PRR12: variants seen among roughly 807,000 people sequenced by gnomAD.
PRR12 encodes proline rich 12, also known as proline-rich protein 12.
Under a neutral mutation model 138.0 loss-of-function variants are expected in PRR12, and 12 were observed. That is an observed-to-expected ratio of 0.09 (90% confidence interval 0.06 to 0.14). The LOEUF is 0.14. PRR12 is among the 10% of genes least tolerant of loss of function. PRR12 has a pLI of 1.00. For synonymous variants in PRR12, 1,567 were observed against 1,291.7 expected (o/e 1.21, Z -4.57); for missense variants, 2,692 against 2,861.3 (o/e 0.94, Z 1.35).
chr19:49,614,736 A>G lies in PRR12; in HGVS notation c.4890+87A>G. The stretch of plus-strand genomic sequence containing the variant: ...GTTCCCCTTAGTGTGGCTGTGACTC[A>G]CTCCACAGTGTATCTGGAAGGGGGC... On this transcript the variant is annotated intron_variant, in intron 7 of 13. Coordinates refer to ENST00000418929, the MANE Select transcript of PRR12 (RefSeq NM_020719.3). This position sits in a 1 kb window ranked among gnomAD's most constrained non-coding sequence, Gnocchi z 5.0. The G allele has an allele frequency of 6.8e-7, 1 of 1,479,886 alleles. No homozygotes were observed. The highest frequency in any genetic ancestry group is 9.2e-7 in the Non-Finnish European group (1 of 1,086,330). The allele number at this position is 1,479,886 out of a possible 1,614,324, so 91.7% of individuals were successfully genotyped here.
Position 49,595,131 on chromosome 19 carries a change from T to C in PRR12, c.796T>C (p.Tyr266His), listed in dbSNP as rs2080757036. Reference protein sequence around the residue: ...AAAEQSSPQLYNFSGAAPGPP... With the variant: ...AAAEQSSPQLHNFSGAAPGPP... ...TGCCGAGCAGTCCTCCCCACAGCTCTATAACTTCTCGGGTGCTGCCCCGGG... is the reference window on the plus strand; with the variant it reads ...TGCCGAGCAGTCCTCCCCACAGCTCCATAACTTCTCGGGTGCTGCCCCGGG... Residue 266 changes from tyrosine to histidine, a missense_variant, in exon 4 of 14, where the codon TAT becomes CAT. Transcript: ENST00000418929. 1 of 1,611,734 alleles carries C rather than the reference T, an allele frequency of 6.2e-7. No individual in the cohort carries two copies. The highest frequency in any genetic ancestry group is 1.3e-5 in the African/African-American group (1 of 74,920).
chr19:49,620,273 G>A (rs1442594477), intron 9 of PRR12, 79 bp from the exon 10 acceptor site: 1 of 1,575,280 alleles, frequency 6.3e-7, no homozygotes, highest in African/African-American at 1.3e-5. Context: ...CCGGTCCCCA[G>A]TGTTGAGAAC....
chr19:49,596,706 C>T lies in PRR12; in HGVS notation c.2371C>T (p.Pro791Ser). The change falls in exon 4 of 14, where the codon CCA becomes TCA. Residue 791 changes from proline to serine, a missense_variant. Around this residue, in one of 11 missense-constraint regions of PRR12, gnomAD observed 840 missense variants for 689.8 expected, o/e 1.22. Coordinates refer to ENST00000418929, the MANE Select transcript of PRR12 (RefSeq NM_020719.3). This position sits in a 1 kb window ranked among gnomAD's most constrained non-coding sequence, Gnocchi z 5.6. ...TCTGGAGGCCGGGGGCCCTGACCTC[C>T]CACTGGTGCTGCCTCCGCCTCCCCC... ...LLLEAGGPDL[P>S]LVLPPPPPQL... is the part of the protein sequence containing the mutation. 6.2e-7 allele frequency: 1 copy of T among 1,606,588 alleles called. No homozygotes were observed. Among genetic ancestry groups the T allele is most frequent in the South Asian group, 1.1e-5 (1 of 90,872 alleles).
intron 6 of PRR12, among the ~76,000 whole-genome samples, chr19:49,612,314 G>T (rs966478999): frequency 6.6e-6 from 1 of 152,032 alleles, no homozygotes; most frequent in Non-Finnish European, 1.5e-5. Context: ...TGAGTAGGAG[G>T]CTGTGGGCCA....
chr19:49,597,234 C>G lies in PRR12; in HGVS notation c.2899C>G (p.Pro967Ala), dbSNP rs769200752. ...CGCGGACGACTACGGCAAGGCCGGG[C>G]CACCTGAGGACGAGGGGGACCCCAA... The part of the protein sequence containing the change: ...GAADDYGKAG[P>A]PEDEGDPKAG... Residue 967 changes from proline (P) to alanine (A), a missense_variant, in exon 4 of 14, where the codon CCA becomes GCA. Pro to Ala is a conservative substitution (Grantham distance 27). Coordinates refer to ENST00000418929, the MANE Select transcript of PRR12 (RefSeq NM_020719.3). This position sits in a 1 kb window ranked among gnomAD's most constrained non-coding sequence, Gnocchi z 6.3. 3.2e-6 allele frequency: 5 copies of G among 1,569,462 alleles called. No homozygotes were observed. In the East Asian group the frequency reaches 1.2e-4, roughly 37 times the overall value.
Position 49,597,257 on chromosome 19 carries a change from C to A in PRR12, c.2922C>A (p.Pro974=), listed in dbSNP as rs545350512. ...GGCCACCTGAGGACGAGGGGGACCC[C>A]AAGGCTGGCGCTGGGCCACCCCCCG... is the stretch of plus-strand genomic sequence containing the variant. The part of the protein sequence containing the change: ...KAGPPEDEGD[P]KAGAGPPPGP... Residue 974 remains proline (P), a synonymous_variant, in exon 4 of 14, where the codon CCC becomes CCA. Transcript: ENST00000418929. This position sits in a 1 kb window ranked among gnomAD's most constrained non-coding sequence, Gnocchi z 6.3. 3.2e-6 allele frequency: 5 copies of A among 1,573,310 alleles called. No individual in the cohort carries two copies. In the South Asian group the frequency reaches 4.7e-5, roughly 15 times the overall value.
chr19:49,620,336 C>T lies in PRR12; in HGVS notation c.5498-16C>T. On this transcript the variant is annotated splice_polypyrimidine_tract_variant and intron_variant, in intron 9 of 13. Transcript: ENST00000418929. The stretch of plus-strand genomic sequence containing the variant: ...GGAAATTGGGATAACGAGCCTGCGT[C>T]CTGTCTTTTCTGCAGAGCGGGCAGT... 1.9e-6 allele frequency: 3 copies of T among 1,612,874 alleles called. No individual in the cohort carries two copies. Among genetic ancestry groups the T allele is most frequent in the Non-Finnish European group, 1.7e-6 (2 of 1,179,462 alleles).
intron 6 of PRR12, among the ~76,000 whole-genome samples, chr19:49,610,091 C>T (rs544636435): frequency 6.6e-6 from 1 of 152,210 alleles, no homozygotes; most frequent in Non-Finnish European, 1.5e-5. Context: ...TCTCCTGCCT[C>T]AGCCTCCCGA....
Position 49,591,685 on chromosome 19 carries a change from G to C in PRR12, c.31G>C (p.Gly11Arg). The C allele has an allele frequency of 6.7e-7, 1 of 1,486,526 alleles. No homozygotes were observed. Among genetic ancestry groups the C allele is most frequent in the Non-Finnish European group, 8.9e-7 (1 of 1,118,850 alleles). The allele number at this position is 1,486,526 out of a possible 1,614,324, so 92.1% of individuals were successfully genotyped here. The change falls in exon 1 of 14, where the codon GGG (glycine) becomes CGG (arginine). Residue 11 changes from glycine to arginine, a missense_variant. Physicochemically the swap from Gly to Arg is moderately radical, Grantham distance 125. Transcript: ENST00000418929. ...CAGGAACTACCCCAGCGCCGGCTTC[G>C]GGGACCCGCTCGGCGCCGGGGCGGG... MDRNYPSAGF[G>R]DPLGAGAGWS...
In PRR12 at chr19:49,594,664, TTCTC is replaced by T; in HGVS notation, c.362-29_362-26del. The T allele has an allele frequency of 6.2e-7, 1 of 1,610,586 alleles. No individual in the cohort carries two copies. Among genetic ancestry groups the T allele is most frequent in the Non-Finnish European group, 8.5e-7 (1 of 1,179,446 alleles). On this transcript the variant is annotated intron_variant, in intron 3 of 13. Transcript: ENST00000418929. This position sits in a 1 kb window ranked among gnomAD's most constrained non-coding sequence, Gnocchi z 5.6. ...GGGCCAGGGTGGGACTGGCTCGCTGTTCTCTCTGACGCGCGGTCTTCCTCATCTC... is the reference window on the plus strand; with the variant it reads ...GGGCCAGGGTGGGACTGGCTCGCTGTTCTGACGCGCGGTCTTCCTCATCTC...
intron 11 of PRR12, among the ~76,000 whole-genome samples, chr19:49,623,005 A>T (rs1439796279): frequency 6.7e-6 from 1 of 150,114 alleles, no homozygotes; most frequent in Non-Finnish European, 1.5e-5. Flanking sequence ...TTTGAGTGAG[A>T]TAGTAGTTTT....
chr19:49,604,795 T>G (rs554895885), intron 6 of PRR12, among the ~76,000 whole-genome samples: 1 of 152,312 alleles, frequency 6.6e-6, no homozygotes, highest in East Asian at 1.9e-4. Flanking sequence ...CTAGTAGCGT[T>G]TTACAGGGAT....
intron 6 of PRR12, among the ~76,000 whole-genome samples, chr19:49,609,288 G>A (rs1181892075): frequency 2.6e-5 from 4 of 152,062 alleles, no homozygotes; most frequent in African/African-American, 4.8e-5. Context: ...CTGGGCAACC[G>A]GAGTGAGACC....
At chr19:49,619,232 T>G (rs939660093) in intron 9 of PRR12, among the ~76,000 whole-genome samples, 17 of 143,362 alleles carry the variant, frequency 1.2e-4, no homozygotes, top group Non-Finnish European at 2.6e-4. Flanking sequence ...GAGTTTTTTT[T>G]TTTTTTTTTT....
intron 2 of PRR12, among the ~76,000 whole-genome samples, chr19:49,593,836 C>T (rs1374998281): frequency 1.3e-5 from 2 of 152,124 alleles, no homozygotes; most frequent in Admixed American, 6.5e-5. Flanking sequence ...ATTCTCTGGC[C>T]CGCCCTGTTT....
intron 9 of PRR12, among the ~76,000 whole-genome samples, chr19:49,617,583 A>T (rs973325977): frequency 1.3e-5 from 2 of 152,176 alleles, no homozygotes; most frequent in Admixed American, 1.3e-4. Context: ...GTGAGGTATG[A>T]TTACACCACT....
At chr19:49,606,457 G>C (rs766673712) in intron 6 of PRR12, among the ~76,000 whole-genome samples, 1 of 145,808 alleles carries the variant, frequency 6.9e-6, no homozygotes, top group African/African-American at 2.6e-5. Context: ...GATTACAGGC[G>C]CGTGCCACCA....
intron 8 of PRR12, among the ~76,000 whole-genome samples, 195 bp downstream of exon 8, chr19:49,615,204 ACAGGAG>A (rs2080885214): frequency 6.8e-6 from 1 of 148,034 alleles, no homozygotes; most frequent in African/African-American, 2.5e-5. Context: ...AGACCCAGAG[ACAGGAG>A]GGGAACAGAG....
Position 49,591,634 on chromosome 19 carries a change from A to T in PRR12, c.-21A>T. On this transcript the variant is annotated 5_prime_UTR_variant, in exon 1 of 14. Coordinates refer to ENST00000418929, the MANE Select transcript of PRR12 (RefSeq NM_020719.3). ...TCCCTCCCTCCCTCCCCCTCCCCCC[A>T]ATTTCCACCGCGGCCAATTCATGGA... 5.4e-6 allele frequency: 1 copy of T among 186,062 alleles called. No homozygotes were observed. The highest frequency in any genetic ancestry group is 8.7e-6 in the Non-Finnish European group (1 of 115,310). The allele number at this position is 186,062 out of a possible 1,614,324, so 11.5% of individuals were successfully genotyped here. A position where few individuals can be genotyped will look rare whatever the true frequency, so the allele number is the denominator to read the frequency against.
Sources: allele counts gnomAD v4.1 joint callset (sites outside exome capture counted in the v4.1 genomes callset), GRCh38; gene constraint gnomAD v4.1.1; regional missense constraint gnomAD v4.1.1; non-coding constraint Gnocchi (gnomAD v3.1); transcripts MANE v1.5; gene names NCBI Gene and HGNC (gene_info 2026-07-23, HGNC 2026-07-21).